The following CCDC50 variants were observed in gnomAD, a reference collection of about 807,000 sequenced individuals.
CCDC50 encodes coiled-coil domain-containing protein 50.
In CCDC50, 54 loss-of-function variants were observed where a neutral mutation model predicts 70.2. That is an observed-to-expected ratio of 0.77 (90% CI 0.62 to 0.96). CCDC50 has a LOEUF of 0.96. Ranked by LOEUF, CCDC50 falls within the 50% of genes least tolerant of loss-of-function variation. The probability of loss-of-function intolerance (pLI) is 0.00; values close to 1 mark genes in which losing one functional copy is unlikely to be tolerated. For missense variants in CCDC50, 558 were observed against 578.7 expected (o/e 0.96, Z 0.37); for synonymous variants, 216 against 198.8 (o/e 1.09, Z -0.73).
intron 10 of CCDC50, among the ~76,000 whole-genome samples, chr3:191,383,773 G>T (rs1324097232): frequency 6.6e-6 from 1 of 152,138 alleles, no homozygotes; most frequent in African/African-American, 2.4e-5. Flanking sequence ...GCTCTGAGAA[G>T]AATAGTGGCA....
chr3:191,387,095 CACATAATTGGGGTA>C (rs1713522352), intron 10 of CCDC50, among the ~76,000 whole-genome samples: 1 of 152,146 alleles, frequency 6.6e-6, no homozygotes, highest in East Asian at 1.9e-4. Flanking sequence ...TAATTGCTCA[CACATAATTGGGGTA>C]CACATCAGTC....
chr3:191,360,772 G>T (rs944894417), intron 3 of CCDC50, among the ~76,000 whole-genome samples: 2 of 152,218 alleles, frequency 1.3e-5, no homozygotes, highest in Non-Finnish European at 2.9e-5. Flanking sequence ...GTGGGGTGAA[G>T]TGATAGGTGG....
Position 191,395,735 on chromosome 3 carries a change from CA to C in CCDC50, c.*3979del. 1 of 152,226 alleles carries C rather than the reference CA, an allele frequency of 6.6e-6. No individual in the cohort carries two copies. Among genetic ancestry groups the C allele is most frequent in the East Asian group, 1.9e-4 (1 of 5,190 alleles). The allele number at this position is 152,226 out of a possible 1,614,324, so 9.4% of individuals were successfully genotyped here. On this transcript the variant is annotated 3_prime_UTR_variant, in exon 12 of 12. Coordinates refer to ENST00000392455, the MANE Select transcript of CCDC50 (RefSeq NM_178335.3). The stretch of plus-strand genomic sequence containing the variant: ...TCTGTTGAAACGATCATAACAAAAT[CA>C]AAACCTCATGCTTCAGCAAAAAGGA...
intron 4 of CCDC50, among the ~76,000 whole-genome samples, chr3:191,363,071 TG>T (rs1460480606): frequency 1.6e-4 from 13 of 81,430 alleles, no homozygotes; most frequent in South Asian, 1.3e-3. Context: ...TGCTGTCCTG[TG>T]GGGTTTTTTT....
rs1026221440 is a variant in CCDC50 at position 191,369,930 on chromosome 3, C to T, written c.342C>T (p.Arg114=). 6.2e-7 allele frequency: 1 copy of T among 1,612,294 alleles called. No individual in the cohort carries two copies. Among genetic ancestry groups the T allele is most frequent in the Non-Finnish European group, 8.5e-7 (1 of 1,178,644 alleles). ...IQEKKDEDIA[R]LLQEKELQEE... is the part of the protein sequence containing the mutation. ...TCTTGTCTTTGCAGGACATAGCTCG[C>T]CTTTTGCAAGAAAAGGAGTTACAGG... is the stretch of plus-strand genomic sequence containing the variant. Residue 114 remains arginine, a synonymous_variant, in exon 5 of 12, where the codon CGC becomes CGT. Coordinates refer to ENST00000392455, the MANE Select transcript of CCDC50 (RefSeq NM_178335.3).
intron 3 of CCDC50, among the ~76,000 whole-genome samples, chr3:191,359,933 G>A (rs1172554071): frequency 2.0e-5 from 3 of 152,174 alleles, no homozygotes; most frequent in Non-Finnish European, 4.4e-5. Context: ...ATCAGGAGTA[G>A]AGAGTGATAT....
rs2108668412 is a variant in CCDC50, at chr3:191,380,593, A to G, written c.1093-94A>G. 4.1e-6 allele frequency: 5 copies of G among 1,230,322 alleles called. No individual in the cohort carries two copies. In the East Asian group the frequency reaches 1.3e-4, roughly 31 times the overall value. The allele number at this position is 1,230,322 out of a possible 1,614,324, so 76.2% of individuals were successfully genotyped here. A position where few individuals can be genotyped will look rare whatever the true frequency, so the allele number is the denominator to read the frequency against. ...AACCTCAGGAACATGAGTCACAATTATTTTCAAAAACCAGCTTATTTTGTA... is the reference window on the plus strand; with the variant it reads ...AACCTCAGGAACATGAGTCACAATTGTTTTCAAAAACCAGCTTATTTTGTA... On this transcript the variant is annotated intron_variant, in intron 7 of 11. Coordinates refer to ENST00000392455, the MANE Select transcript of CCDC50 (RefSeq NM_178335.3).
chr3:191,382,387 G>T (rs415149), intron 9 of CCDC50, among the ~76,000 whole-genome samples: 87,793 of 151,928 alleles, frequency 0.58, 27,047 homozygotes, highest in African/African-American at 0.81. Context: ...CTGGTTCTTG[G>T]CAATTACTGT....
chr3:191,382,838 C>A lies in CCDC50; in HGVS notation c.1322+13C>A. ...AAAGGCCAGCACGGTAAGCTGACAC[C>A]TGAAAAGAAAAATGAGGAAGTTGAC... On this transcript the variant is annotated intron_variant, in intron 10 of 11. Transcript: ENST00000392455. 6.3e-7 allele frequency: 1 copy of A among 1,589,548 alleles called. No individual in the cohort carries two copies. Among genetic ancestry groups the A allele is most frequent in the South Asian group, 1.1e-5 (1 of 90,570 alleles).
chr3:191,369,885 A>T, intron 4 of CCDC50, 34 bp from the exon 5 acceptor site: 1 of 1,458,108 alleles, frequency 6.9e-7, no homozygotes, highest in Non-Finnish European at 9.6e-7. Context: ...GTTCTTTGGT[A>T]ATGTGTATTT....
chr3:191,359,891 A>G (rs994757332), intron 3 of CCDC50, among the ~76,000 whole-genome samples: 4 of 152,216 alleles, frequency 2.6e-5, no homozygotes, highest in Non-Finnish European at 5.9e-5. Context: ...GAGCTTTTTC[A>G]GAAATTATCA....
intron 1 of CCDC50, among the ~76,000 whole-genome samples, chr3:191,342,823 G>GA (rs34769036): frequency 1.3e-5 from 2 of 152,154 alleles, no homozygotes; most frequent in Non-Finnish European, 2.9e-5. Flanking sequence ...AAATTGTTTT[G>GA]AAAAAATTGT....
At chr3:191,381,679 T>C (rs432085) in intron 9 of CCDC50, among the ~76,000 whole-genome samples, 98,566 of 152,014 alleles carry the variant, frequency 0.65, 33,809 homozygotes, top group East Asian at 0.92. Context: ...AATAGAAGGT[T>C]AAGCTAGGTG....
chr3:191,376,012 G>A (rs545196367), intron 6 of CCDC50, among the ~76,000 whole-genome samples: 2 of 150,612 alleles, frequency 1.3e-5, no homozygotes, highest in Non-Finnish European at 3.0e-5. Context: ...GATAGAGCCG[G>A]AAATACTGTA....
At chr3:191,332,286 CT>C (rs1236434445) in intron 1 of CCDC50, among the ~76,000 whole-genome samples, 5 of 152,218 alleles carry the variant, frequency 3.3e-5, no homozygotes, top group Admixed American at 3.3e-4. Flanking sequence ...TTGGACAGAC[CT>C]TTTGAAAAAA....
chr3:191,370,489 T>C (rs1409210674), intron 5 of CCDC50, among the ~76,000 whole-genome samples: 1 of 150,336 alleles, frequency 6.7e-6, no homozygotes, highest in Non-Finnish European at 1.5e-5. Flanking sequence ...TTTTTTTGTT[T>C]TTTTTTTTGT....
At chr3:191,381,068 T>C in intron 9 of CCDC50, 136 bp downstream of exon 9, 1 of 729,582 alleles carries the variant, frequency 1.4e-6, no homozygotes, top group Non-Finnish European at 2.3e-6. Context: ...TATGTGAATC[T>C]GATCTGTGAA....
At chr3:191,335,285 G>C (rs1718103394) in intron 1 of CCDC50, among the ~76,000 whole-genome samples, 1 of 152,280 alleles carries the variant, frequency 6.6e-6, no homozygotes, top group African/African-American at 2.4e-5. Flanking sequence ...ATCCATAGAG[G>C]AGAAAACAAA....
chr3:191,373,555 G>A (rs1435060), intron 5 of CCDC50, among the ~76,000 whole-genome samples: 73,359 of 151,856 alleles, frequency 0.48, 18,886 homozygotes, highest in African/African-American at 0.68. Context: ...CCCCGGATGT[G>A]GTCATCATTT....
Sources: allele counts gnomAD v4.1 joint callset (sites outside exome capture counted in the v4.1 genomes callset), GRCh38; gene constraint gnomAD v4.1.1; transcripts MANE v1.5; gene names NCBI Gene and HGNC (gene_info 2026-07-23, HGNC 2026-07-21).